Variants in BBS9 observed in about 807,000 individuals in gnomAD.
BBS9 encodes Bardet-Biedl syndrome 9.
Under a neutral mutation model 117.7 loss-of-function variants are expected in BBS9, and 89 were observed. The ratio of observed to expected loss-of-function variants is 0.76; its 90% CI spans 0.64 to 0.90. BBS9 has a LOEUF of 0.90. Ranked by LOEUF, BBS9 falls within the 40% of genes least tolerant of loss-of-function variation. The probability of loss-of-function intolerance (pLI) is 0.00; values close to 1 mark genes in which losing one functional copy is unlikely to be tolerated. For synonymous variants in BBS9, 379 were observed against 370.9 expected, an observed-to-expected ratio of 1.02 and a Z score of -0.25; for missense variants, 982 against 1,042.2, an observed-to-expected ratio of 0.94 and a Z score of 0.80.
chr7:33,193,671 G>GAAGAT (rs1370689752), intron 5 of BBS9, among the ~76,000 whole-genome samples: 2 of 152,140 alleles, frequency 1.3e-5, no homozygotes, highest in Admixed American at 1.3e-4. Flanking sequence ...GGGCAGTGGA[G>GAAGAT]AAGACATGGG....
At chr7:33,152,938 A>C (rs1377178806) in intron 3 of BBS9, 87 bp downstream of exon 3, 28 of 1,411,710 alleles carry the variant, frequency 2.0e-5, no homozygotes, top group Non-Finnish European at 2.7e-5. Context: ...AAAGAAGACT[A>C]TCCATGAATT....
chr7:33,495,296 T>C (rs1436686979), intron 19 of BBS9, among the ~76,000 whole-genome samples: 1 of 152,216 alleles, frequency 6.6e-6, no homozygotes, highest in Non-Finnish European at 1.5e-5. Context: ...CTTGCTACCT[T>C]AGCTAAAGGA....
At chr7:33,524,824 C>G (rs941336396) in intron 20 of BBS9, among the ~76,000 whole-genome samples, 1 of 152,046 alleles carries the variant, frequency 6.6e-6, no homozygotes, top group African/African-American at 2.4e-5. Flanking sequence ...TTTTCTAGTT[C>G]TTTTAATTGT....
intron 19 of BBS9, among the ~76,000 whole-genome samples, chr7:33,429,031 A>G (rs1834045138): frequency 1.3e-5 from 2 of 152,220 alleles, no homozygotes; most frequent in African/African-American, 2.4e-5. Context: ...AAGACTAGGT[A>G]AAGTCCTAGA....
At chr7:33,622,891 A>G (rs1317041472) in intron 21 of BBS9, among the ~76,000 whole-genome samples, 3 of 152,220 alleles carry the variant, frequency 2.0e-5, no homozygotes. Flanking sequence ...AATTAGACTC[A>G]TACTTCAACC....
intron 19 of BBS9, among the ~76,000 whole-genome samples, chr7:33,419,585 A>G (rs1832549409): frequency 6.6e-6 from 1 of 152,170 alleles, no homozygotes; most frequent in Admixed American, 6.6e-5. Flanking sequence ...AAAATGCCTC[A>G]TATTTCTTGA....
At chr7:33,329,389 C>T (rs1813513030) in intron 9 of BBS9, among the ~76,000 whole-genome samples, 1 of 152,134 alleles carries the variant, frequency 6.6e-6, no homozygotes, top group African/African-American at 2.4e-5. Context: ...GGGATAGTCA[C>T]ATCCTATTAA....
At chr7:33,593,625 C>T (rs900497937) in intron 21 of BBS9, among the ~76,000 whole-genome samples, 3 of 152,132 alleles carry the variant, frequency 2.0e-5, no homozygotes, top group African/African-American at 7.2e-5. Context: ...TTGTGCTGAA[C>T]CCAGCTGCTT....
At chr7:33,208,429 G>A (rs988050033) in intron 5 of BBS9, among the ~76,000 whole-genome samples, 4 of 152,126 alleles carry the variant, frequency 2.6e-5, no homozygotes, top group Admixed American at 6.5e-5. Context: ...CTTCTCTGTA[G>A]CCAGAGCTTT....
At chr7:33,431,817 T>G (rs1441349149) in intron 19 of BBS9, among the ~76,000 whole-genome samples, 3 of 152,224 alleles carry the variant, frequency 2.0e-5, no homozygotes, top group African/African-American at 7.2e-5. Flanking sequence ...TTACTCCTGA[T>G]GTGTGGTCGA....
intron 7 of BBS9, among the ~76,000 whole-genome samples, chr7:33,267,435 T>C (rs1799016832): frequency 6.7e-6 from 1 of 150,110 alleles, no homozygotes; most frequent in Admixed American, 6.7e-5. Flanking sequence ...TGGTTTCCTT[T>C]TCCTCTTTTT....
In BBS9 at chr7:33,152,973, C is replaced by G. The variant is rs1199286611; in HGVS notation, c.263+122C>G. 2.6e-6 allele frequency: 3 copies of G among 1,135,914 alleles called. No individual in the cohort carries two copies. The East Asian group carries it at 7.4e-5, about 28-fold the overall frequency. 70.4% of individuals were successfully genotyped at this position (1,135,914 alleles called of 1,614,324 possible). A position where few individuals can be genotyped will look rare whatever the true frequency, so the allele number is the denominator to read the frequency against. ...TAAATATATTTTCTGGATATTGTCA[C>G]CTAGGGGTTTCTCACGTATGGAATG... On this transcript the variant is annotated intron_variant, in intron 3 of 22. Transcript: ENST00000242067.
At chr7:33,280,591 T>C (rs1003791110) in intron 9 of BBS9, among the ~76,000 whole-genome samples, 1 of 152,176 alleles carries the variant, frequency 6.6e-6, no homozygotes, top group African/African-American at 2.4e-5. Flanking sequence ...TATTTGACTT[T>C]CCTAACTCTC....
intron 19 of BBS9, among the ~76,000 whole-genome samples, chr7:33,455,232 C>T (rs529106459): frequency 4.2e-5 from 4 of 94,622 alleles, no homozygotes; most frequent in East Asian, 3.5e-4. Context: ...AAAATATGGA[C>T]GTGATGGTGG....
At chr7:33,587,207 C>G (rs368007952) in intron 21 of BBS9, among the ~76,000 whole-genome samples, 9 of 152,212 alleles carry the variant, frequency 5.9e-5, no homozygotes, top group African/African-American at 2.2e-4. Flanking sequence ...CCTGTCATCC[C>G]TATACCTTCT....
intron 21 of BBS9, among the ~76,000 whole-genome samples, chr7:33,601,761 C>G (rs1177029880): frequency 1.3e-5 from 2 of 152,118 alleles, no homozygotes; most frequent in East Asian, 3.9e-4. Context: ...GATACGCAGT[C>G]ATCAGAAGCA....
chr7:33,483,108 G>A (rs186517868), intron 19 of BBS9, among the ~76,000 whole-genome samples: 4 of 152,088 alleles, frequency 2.6e-5, no homozygotes, highest in East Asian at 1.9e-4. Flanking sequence ...TTTGGGGGGC[G>A]GGGGGAATAG....
intron 8 of BBS9, among the ~76,000 whole-genome samples, chr7:33,273,401 A>C (rs1232689103): frequency 6.6e-6 from 1 of 152,210 alleles, no homozygotes. Context: ...TACTTTGTAC[A>C]AAATGACTTG....
chr7:33,528,692 G>A (rs1850068813), intron 20 of BBS9, among the ~76,000 whole-genome samples: 1 of 152,084 alleles, frequency 6.6e-6, no homozygotes, highest in Admixed American at 6.5e-5. Flanking sequence ...CTGTTTTGTG[G>A]AGACCTCACG....
Sources: allele counts gnomAD v4.1 joint callset (sites outside exome capture counted in the v4.1 genomes callset), GRCh38; gene constraint gnomAD v4.1.1; transcripts MANE v1.5; gene names NCBI Gene and HGNC (gene_info 2026-07-23, HGNC 2026-07-21).